The following CYP4A22 variants were observed in gnomAD, a reference collection of about 807,000 sequenced individuals.
CYP4A22 encodes the protein cytochrome P450 family 4 subfamily A member 22, also known as cytochrome P450 4A22.
CYP4A22 carries 46 observed loss-of-function variants against 56.2 expected under a neutral mutation model. That is an observed-to-expected ratio of 0.82 (90% CI 0.65 to 1.05). CYP4A22 has a LOEUF of 1.05. Ranked by LOEUF, CYP4A22 falls within the 50% of genes least tolerant of loss-of-function variation. The probability of loss-of-function intolerance (pLI) is 0.00; values close to 1 mark genes in which losing one functional copy is unlikely to be tolerated. For missense variants in CYP4A22, 541 were observed against 645.9 expected (o/e 0.84, Z 1.76); for synonymous variants, 193 against 251.1 (o/e 0.77, Z 2.19).
chr1:47,144,799 C>T, intron 8 of CYP4A22, 38 bp from the exon 9 acceptor site: 1 of 1,612,464 alleles, frequency 6.2e-7, no homozygotes, highest in Non-Finnish European at 8.5e-7. Context: ...CCCTGGTCTG[C>T]CCAGGCCTTG....
chr1:47,140,333 C>T (rs912325205), intron 1 of CYP4A22, among the ~76,000 whole-genome samples: 5 of 152,154 alleles, frequency 3.3e-5, no homozygotes, highest in Admixed American at 3.3e-4. Context: ...TTTATCTCAA[C>T]AAATATTTAC....
chr1:47,138,830 A>G (rs576959923), intron 1 of CYP4A22, among the ~76,000 whole-genome samples: 2 of 152,266 alleles, frequency 1.3e-5, no homozygotes, highest in South Asian at 2.1e-4. Flanking sequence ...CTATCCCTGC[A>G]TGGGGAGAGG....
At chr1:47,146,570 C>T (rs1170317548) in intron 11 of CYP4A22, 200 of 1,049,920 alleles carry the variant, frequency 1.9e-4, no homozygotes, top group Non-Finnish European at 2.2e-4. Flanking sequence ...ATGCAGCACA[C>T]TACCTTCCCT....
At chr1:47,147,027 T>C (rs1407452156) in intron 11 of CYP4A22, 7 of 985,360 alleles carry the variant, frequency 7.1e-6, no homozygotes, top group Non-Finnish European at 7.2e-6. Flanking sequence ...AACTCCAGAA[T>C]GGCTGCGGTG....
At chr1:47,138,254 G>T (rs4926918) in intron 1 of CYP4A22, among the ~76,000 whole-genome samples, 1 of 151,968 alleles carries the variant, frequency 6.6e-6, no homozygotes, top group African/African-American at 2.4e-5. Context: ...TTTCCCCAAG[G>T]CTCACGGAAT....
chr1:47,141,366 C>A (rs1645007178), intron 2 of CYP4A22, among the ~76,000 whole-genome samples: 1 of 152,148 alleles, frequency 6.6e-6, no homozygotes, highest in Admixed American at 6.5e-5. Context: ...CTTCCTAGCC[C>A]TCTGGGTGTT....
chr1:47,145,762 T>A (rs1253570476), intron 9 of CYP4A22, 104 bp from the exon 10 acceptor site: 1 of 1,497,822 alleles, frequency 6.7e-7, no homozygotes, highest in African/African-American at 1.4e-5. Context: ...TGACAATTTA[T>A]AGAAAGTAGG....
In CYP4A22 at chr1:47,142,152, C is replaced by T. The variant is rs1182232056; in HGVS notation, c.427C>T (p.Arg143Ter). The change falls in exon 4 of 12, where the codon CGA becomes TGA. Residue 143 changes from arginine (R) to a stop codon, truncating the protein, a stop_gained. Transcript: ENST00000371891. LOFTEE classifies it high-confidence loss of function. ...GAATGGGCAGACATGGTTCCAGCATCGACGGATGCTGACCCCAGCCTTCCA... is the reference window on the plus strand; with the variant it reads ...GAATGGGCAGACATGGTTCCAGCATTGACGGATGCTGACCCCAGCCTTCCA... ...LLNGQTWFQHRRMLTPAFHND... is the reference protein window; with the variant it reads ...LLNGQTWFQH 6.8e-6 allele frequency: 11 copies of T among 1,613,860 alleles called. No individual in the cohort carries two copies. The highest frequency in any genetic ancestry group is 9.3e-6 in the Non-Finnish European group (11 of 1,179,904).
chr1:47,148,816 C>G lies in CYP4A22; in HGVS notation c.*19C>G. 1.3e-6 allele frequency: 2 copies of G among 1,580,020 alleles called. No homozygotes were observed. The highest frequency in any genetic ancestry group is 2.4e-5 in the South Asian group (2 of 84,780). Reference sequence around the variant, plus strand: ...GCTTTGAGGGCCTCCACCTGCCATCCTGTCTTCCTGACCCCCACTCCTATC... The same window carrying G: ...GCTTTGAGGGCCTCCACCTGCCATCGTGTCTTCCTGACCCCCACTCCTATC... On this transcript the variant is annotated 3_prime_UTR_variant, in exon 12 of 12. Transcript: ENST00000371891.
At chr1:47,138,993 G>T (rs560808347) in intron 1 of CYP4A22, among the ~76,000 whole-genome samples, 2 of 152,366 alleles carry the variant, frequency 1.3e-5, no homozygotes, top group Admixed American at 1.3e-4. Flanking sequence ...CAGCAGAGCA[G>T]AACCAATGTG....
rs548068403 is a variant in CYP4A22 at position 47,149,703 on chromosome 1, G to T, written c.*906G>T. ...GTTCCTATATTAGTTTCCTATTGCT[G>T]CTGTAATAAACTATCACAATCTCAG... is the stretch of plus-strand genomic sequence containing the variant. On this transcript the variant is annotated 3_prime_UTR_variant, in exon 12 of 12. Transcript: ENST00000371891. 6.6e-6 allele frequency: 1 copy of T among 152,148 alleles called. No individual in the cohort carries two copies. Among genetic ancestry groups the T allele is most frequent in the Admixed American group, 6.5e-5 (1 of 15,268 alleles). The allele number at this position is 152,148 out of a possible 1,614,324, so 9.4% of individuals were successfully genotyped here.
intron 11 of CYP4A22, chr1:47,146,866 A>G (rs1645081500): frequency 1.0e-6 from 1 of 985,620 alleles, no homozygotes; most frequent in Non-Finnish European, 1.2e-6. Context: ...TAATCCACTT[A>G]GCACAATATT....
At chr1:47,143,542 C>T in intron 5 of CYP4A22, 149 bp downstream of exon 5, 1 of 1,477,688 alleles carries the variant, frequency 6.8e-7, no homozygotes, top group South Asian at 1.4e-5. Flanking sequence ...CCAGACCAAA[C>T]AAAGTCTCAG....
At chr1:47,142,060 C>T (rs750212617) in intron 3 of CYP4A22, 48 bp from the exon 4 acceptor site, 49 of 1,571,486 alleles carry the variant, frequency 3.1e-5, no homozygotes, top group Admixed American at 1.1e-4. Context: ...TCCCTAGGTC[C>T]GTGCAGCCTC....
rs544326601 is a variant in CYP4A22, at chr1:47,145,086, A to G, written c.1222+116A>G. On this transcript the variant is annotated intron_variant, in intron 9 of 11. Transcript: ENST00000371891. ...TCTGGGTCTCCCTTTTGTTCTAAAA[A>G]CATCAAAAACATACTTTGTATTTAG... 2.4e-5 allele frequency: 35 copies of G among 1,459,744 alleles called. No homozygotes were observed. In the East Asian group the frequency reaches 7.1e-4, roughly 30 times the overall value. The allele number at this position is 1,459,744 out of a possible 1,614,324, so 90.4% of individuals were successfully genotyped here. A position where few individuals can be genotyped will look rare whatever the true frequency, so the allele number is the denominator to read the frequency against.
chr1:47,142,454 A>T (rs943277981), intron 4 of CYP4A22, among the ~76,000 whole-genome samples: 5 of 152,188 alleles, frequency 3.3e-5, no homozygotes, highest in African/African-American at 1.2e-4. Context: ...CCACCATAGG[A>T]ATAGAGATTC....
In CYP4A22 at chr1:47,141,567, T is replaced by C; in HGVS notation, c.338-4T>C. ...TTCCTATAAAGCCCTTTCTTACTTTTCAGACCCGAAATCCCATGGATCCTA... is the reference window on the plus strand; with the variant it reads ...TTCCTATAAAGCCCTTTCTTACTTTCCAGACCCGAAATCCCATGGATCCTA... On this transcript the variant is annotated splice_region_variant and splice_polypyrimidine_tract_variant and intron_variant, in intron 2 of 11. Coordinates refer to ENST00000371891, the MANE Select transcript of CYP4A22 (RefSeq NM_001010969.4). 1 of 1,613,746 alleles carries C rather than the reference T, an allele frequency of 6.2e-7. No individual in the cohort carries two copies. The highest frequency in any genetic ancestry group is 8.5e-7 in the Non-Finnish European group (1 of 1,179,750).
rs150687914 is a variant in CYP4A22, at chr1:47,141,699, G to A, written c.382+84G>A. 2,497 of 1,530,312 alleles carry A rather than the reference G, an allele frequency of 1.6e-3. 17 individuals carry two copies. The highest frequency in any genetic ancestry group is 0.01 in the African/African-American group (738 of 73,014). The allele number at this position is 1,530,312 out of a possible 1,614,324, so 94.8% of individuals were successfully genotyped here. On this transcript the variant is annotated intron_variant, in intron 3 of 11. Coordinates refer to ENST00000371891, the MANE Select transcript of CYP4A22 (RefSeq NM_001010969.4). ...GGCTCACAGAGAACAACAGATTAGA[G>A]GCCACCACTATCATGACCTCATCCC...
intron 10 of CYP4A22, 52 bp from the exon 11 acceptor site, chr1:47,146,025 G>C: frequency 1.9e-6 from 3 of 1,614,152 alleles, no homozygotes; most frequent in Non-Finnish European, 2.5e-6. Flanking sequence ...CTCATGGGTG[G>C]CAAGTAGGTG....
Sources: allele counts gnomAD v4.1 joint callset (sites outside exome capture counted in the v4.1 genomes callset), GRCh38; gene constraint gnomAD v4.1.1; transcripts MANE v1.5; gene names NCBI Gene and HGNC (gene_info 2026-07-23, HGNC 2026-07-21).